The following LAMA2 variants were observed in gnomAD, a reference collection of about 807,000 sequenced individuals.
LAMA2 encodes the protein laminin subunit alpha-2.
A neutral mutation model predicts 364.8 loss-of-function variants in LAMA2; 269 were observed. That is an observed-to-expected ratio of 0.74 (90% CI 0.67 to 0.82). The LOEUF is 0.82. Among genes scored for constraint, LAMA2 ranks in the 40% least tolerant of loss-of-function variants. The pLI is 0.00. For missense variants in LAMA2, 3,807 were observed against 3,873.2 expected, an observed-to-expected ratio of 0.98 and a Z score of 0.45; for synonymous variants, 1,379 against 1,370.6, an observed-to-expected ratio of 1.01 and a Z score of -0.14.
chr6:129,516,182 T>C lies in LAMA2; in HGVS notation c.9212-8T>C. The C allele has an allele frequency of 6.2e-7, 1 of 1,613,650 alleles. No homozygotes were observed. The highest frequency in any genetic ancestry group is 8.5e-7 in the Non-Finnish European group (1 of 1,179,604). The stretch of plus-strand genomic sequence containing the variant: ...CAAAGCTGAGCCCTCTTGCATTGCC[T>C]TTTTCAGATGACCTCAAGCAGTTTG... On this transcript the variant is annotated splice_polypyrimidine_tract_variant and splice_region_variant and intron_variant, in intron 64 of 64. Transcript: ENST00000421865.
At chr6:129,379,501 T>G (rs572110131) in intron 34 of LAMA2, among the ~76,000 whole-genome samples, 1 of 152,256 alleles carries the variant, frequency 6.6e-6, no homozygotes, top group Admixed American at 6.5e-5. Context: ...GCCGGGAACC[T>G]CACGTCTCCT....
At chr6:129,353,378 G>T in intron 32 of LAMA2, 21 bp downstream of exon 32, 1 of 1,603,640 alleles carries the variant, frequency 6.2e-7, no homozygotes, top group Non-Finnish European at 8.5e-7. Context: ...TAACTTTGCT[G>T]TTAGTTTTGG....
chr6:129,238,150 G>T (rs1785126287), intron 12 of LAMA2, among the ~76,000 whole-genome samples: 1 of 150,592 alleles, frequency 6.6e-6, no homozygotes, highest in Non-Finnish European at 1.5e-5. Context: ...TCCAGACTGG[G>T]CAACAGAGCA....
intron 39 of LAMA2, among the ~76,000 whole-genome samples, 168 bp downstream of exon 39, chr6:129,402,655 A>G (rs1384740222): frequency 1.3e-5 from 2 of 152,204 alleles, no homozygotes; most frequent in African/African-American, 2.4e-5. Flanking sequence ...GTCTGGGCAA[A>G]GCTTTGCTAC....
In LAMA2 at chr6:129,465,208, G is replaced by A. The variant is rs1477482679; in HGVS notation, c.7219G>A (p.Gly2407Arg). 4 of 1,611,040 alleles carry A rather than the reference G, an allele frequency of 2.5e-6. No homozygotes were observed. Among genetic ancestry groups the A allele is most frequent in the Non-Finnish European group, 3.4e-6 (4 of 1,177,886 alleles). The change falls in exon 51 of 65, where the codon GGA becomes AGA. Residue 2407 changes from glycine (G) to arginine (R), a missense_variant. By Grantham distance (125) the Gly-to-Arg change is moderately radical. Transcript: ENST00000421865. ...HIKVSYDLGS[G>R]MASVVSNQNH... is the part of the protein sequence containing the mutation. ...AAAAGTCAGTTACGATCTGGGCTCA[G>A]GAATGGCTTCCGTTGTCAGCAATCA...
chr6:128,886,688 G>T (rs1262798353), intron 1 of LAMA2, among the ~76,000 whole-genome samples: 1 of 152,028 alleles, frequency 6.6e-6, no homozygotes, highest in Non-Finnish European at 1.5e-5. Context: ...TGTTAAAGAG[G>T]GACTATTCTA....
intron 9 of LAMA2, among the ~76,000 whole-genome samples, chr6:129,166,048 G>A (rs551681257): frequency 3.3e-5 from 5 of 152,224 alleles, no homozygotes; most frequent in East Asian, 3.9e-4. Flanking sequence ...AAATGCCAGC[G>A]TTCACTGAGG....
At chr6:129,160,353 T>A (rs1779375548) in intron 8 of LAMA2, among the ~76,000 whole-genome samples, 1 of 152,148 alleles carries the variant, frequency 6.6e-6, no homozygotes, top group Admixed American at 6.5e-5. Context: ...GTTCAATTCA[T>A]CTAAATTGTC....
At chr6:129,097,741 G>A (rs1225783650) in intron 3 of LAMA2, among the ~76,000 whole-genome samples, 1 of 152,048 alleles carries the variant, frequency 6.6e-6, no homozygotes, top group Non-Finnish European at 1.5e-5. Flanking sequence ...ACTTTTTTGA[G>A]GATTATGTGA....
chr6:129,125,941 A>T (rs568979802), intron 4 of LAMA2, among the ~76,000 whole-genome samples: 86 of 152,268 alleles, frequency 5.6e-4, no homozygotes, highest in African/African-American at 2.1e-3. Flanking sequence ...TACAATAAAA[A>T]ATAAAAAGCC....
intron 12 of LAMA2, among the ~76,000 whole-genome samples, chr6:129,222,532 C>T (rs1783931010): frequency 7.5e-6 from 1 of 133,320 alleles, no homozygotes; most frequent in South Asian, 2.8e-4. Context: ...GTGATGTTCC[C>T]CTTCCTGTGT....
At chr6:129,271,653 A>G (rs1583388079) in intron 17 of LAMA2, among the ~76,000 whole-genome samples, 1 of 151,936 alleles carries the variant, frequency 6.6e-6, no homozygotes, top group South Asian at 2.1e-4. Flanking sequence ...ATAAATAACT[A>G]TACTTTTAAA....
chr6:129,222,899 A>G (rs1193167901), intron 12 of LAMA2, among the ~76,000 whole-genome samples: 1 of 152,140 alleles, frequency 6.6e-6, no homozygotes, highest in Non-Finnish European at 1.5e-5. Flanking sequence ...CTAGTTCTAG[A>G]TCCTTGAGGA....
Position 129,516,505 on chromosome 6 carries a change from A to T in LAMA2, c.*158A>T. 1 of 703,714 alleles carries T rather than the reference A, an allele frequency of 1.4e-6. No homozygotes were observed. The highest frequency in any genetic ancestry group is 2.5e-6 in the Non-Finnish European group (1 of 407,188). 43.6% of individuals were successfully genotyped at this position (703,714 alleles called of 1,614,324 possible). ...GGTGCTAATTCAGACTCCAGACTGA[A>T]TTTTAATTCAAGTTCTTTCTCAAGT... On this transcript the variant is annotated 3_prime_UTR_variant, in exon 65 of 65. Coordinates refer to ENST00000421865, the MANE Select transcript of LAMA2 (RefSeq NM_000426.4).
Position 129,199,311 on chromosome 6 carries a change from C to T in LAMA2, c.1782+6458C>T, listed in dbSNP as rs147668088. Among the ~76,000 whole-genome samples the T allele has an allele frequency of 3.1e-3, 467 of 152,238 alleles. 1 individual carries two copies. The highest frequency in any genetic ancestry group is 0.011 in the African/African-American group (453 of 41,552). The stretch of plus-strand genomic sequence containing the variant: ...GGGTAAAATTAAACATTCTTCATGT[C>T]TGAAAAATTTTGAAAACTAGAATTG... On this transcript the variant is annotated intron_variant, in intron 12 of 64. Coordinates refer to ENST00000421865, the MANE Select transcript of LAMA2 (RefSeq NM_000426.4).
chr6:129,113,430 C>T (rs888440720), intron 4 of LAMA2, among the ~76,000 whole-genome samples: 10 of 151,836 alleles, frequency 6.6e-5, no homozygotes, highest in African/African-American at 1.9e-4. Context: ...TATGGCTAGC[C>T]GAAAAGCATC....
At position 129,050,117 on chromosome 6, in the gene LAMA2, C is replaced by T. The variant is rs533659770; in HGVS notation, c.283+29C>T. The T allele has an allele frequency of 2.4e-4, 393 of 1,611,328 alleles. 3 individuals are homozygous for T. In the South Asian group the frequency reaches 3.1e-3, roughly 13 times the overall value. On this transcript the variant is annotated intron_variant, in intron 2 of 64. Coordinates refer to ENST00000421865, the MANE Select transcript of LAMA2 (RefSeq NM_000426.4). The stretch of plus-strand genomic sequence containing the variant: ...TGTATTTTAGTGTGTAGGTGTGTGG[C>T]GCTGGGTAGGATCTATAATTGTGAG...
chr6:128,883,676 GA>G (rs556920764), intron 1 of LAMA2, among the ~76,000 whole-genome samples: 4 of 151,032 alleles, frequency 2.6e-5, no homozygotes, highest in African/African-American at 7.3e-5. Context: ...TTTCCAATTG[GA>G]AAAAAAAGAA....
chr6:129,222,285 A>G (rs955336897), intron 12 of LAMA2, among the ~76,000 whole-genome samples: 6 of 152,090 alleles, frequency 3.9e-5, no homozygotes, highest in Non-Finnish European at 7.4e-5. Context: ...AATTAGTAGG[A>G]GTACTTAGCT....
Sources: allele counts gnomAD v4.1 joint callset (sites outside exome capture counted in the v4.1 genomes callset), GRCh38; gene constraint gnomAD v4.1.1; transcripts MANE v1.5; gene names NCBI Gene and HGNC (gene_info 2026-07-23, HGNC 2026-07-21).